The following CHM variants were observed in gnomAD, a reference collection of about 807,000 sequenced individuals.
The protein encoded by CHM is rab proteins geranylgeranyltransferase component A 1.
In CHM, 10 loss-of-function variants were observed where a neutral mutation model predicts 49.0. The observed-to-expected ratio is 0.20, with a 90% CI of 0.13 to 0.35. The LOEUF (loss-of-function observed/expected upper bound fraction) is 0.35. CHM is among the 10% of genes least tolerant of loss of function. CHM has a pLI of 1.00. For missense variants in CHM, 455 were observed against 478.4 expected, an observed-to-expected ratio of 0.95 and a Z score of 0.46; for synonymous variants, 184 against 167.5, an observed-to-expected ratio of 1.10 and a Z score of -0.76.
intron 1 of CHM, among the ~76,000 whole-genome samples, chrX:86,041,557 G>C (rs191320803): frequency 9.2e-6 from 1 of 108,189 alleles, no homozygotes; most frequent in Admixed American, 1.0e-4. Flanking sequence ...CAAAAGAGAA[G>C]ACAACAAAGA....
chrX:85,897,964 A>C (rs1045033026), intron 11 of CHM, among the ~76,000 whole-genome samples: 1 of 111,296 alleles, frequency 9.0e-6, no homozygotes, highest in Non-Finnish European at 1.9e-5. Context: ...GGGAAAAGGA[A>C]AAGGGCAGAA....
intron 8 of CHM, among the ~76,000 whole-genome samples, chrX:85,945,449 G>A (rs909763103): frequency 8.8e-5 from 9 of 101,845 alleles, no homozygotes; most frequent in African/African-American, 1.5e-4. Flanking sequence ...TCTCTCTCTC[G>A]TTCCTGCTCT....
chrX:85,904,147 C>T (rs1926455507), intron 9 of CHM, among the ~76,000 whole-genome samples: 1 of 110,879 alleles, frequency 9.0e-6, no homozygotes. Context: ...ACAGTGCTGC[C>T]AGAGTCATGA....
intron 2 of CHM, among the ~76,000 whole-genome samples, chrX:86,024,474 G>A (rs1933727984): frequency 8.9e-6 from 1 of 112,020 alleles, no homozygotes; most frequent in African/African-American, 3.2e-5. Flanking sequence ...TTTAAACTTG[G>A]AAAATCACTA....
chrX:85,978,053 C>T (rs1437169895), intron 4 of CHM, among the ~76,000 whole-genome samples: 2 of 111,733 alleles, frequency 1.8e-5, no homozygotes, highest in African/African-American at 6.5e-5. Flanking sequence ...TTCTAAGCCT[C>T]TGGACTCTAT....
chrX:85,982,169 G>C (rs868491587), intron 2 of CHM, among the ~76,000 whole-genome samples: 1 of 111,588 alleles, frequency 9.0e-6, no homozygotes, highest in East Asian at 2.8e-4. Flanking sequence ...AACCTTGATA[G>C]ATCTCAAAGA....
intron 8 of CHM, among the ~76,000 whole-genome samples, chrX:85,933,121 T>A (rs1291918036): frequency 9.0e-6 from 1 of 110,775 alleles, no homozygotes; most frequent in African/African-American, 3.3e-5. Flanking sequence ...GGCAGGAGGA[T>A]CCCTTGAGCT....
At chrX:86,030,951 G>T (rs912337791) in intron 1 of CHM, among the ~76,000 whole-genome samples, 1 of 109,482 alleles carries the variant, frequency 9.1e-6, no homozygotes, top group Non-Finnish European at 1.9e-5. Flanking sequence ...TAATAACCAC[G>T]TAATATTCCC....
chrX:85,995,795 A>G (rs1439692378), intron 2 of CHM, among the ~76,000 whole-genome samples: 1 of 112,182 alleles, frequency 8.9e-6, no homozygotes, highest in Non-Finnish European at 1.9e-5. Context: ...CATCTTGAAT[A>G]CTAGATTAGT....
chrX:85,961,418 CAAAAAAAAAAAA>C (rs1204463688), intron 5 of CHM, among the ~76,000 whole-genome samples: 2 of 24,360 alleles, frequency 8.2e-5, no homozygotes, highest in African/African-American at 2.9e-4. Flanking sequence ...GACTCTGTCT[CAAAAAAAAAAAA>C]AAAAAAAAAA....
chrX:86,007,223 C>A lies in CHM; in HGVS notation c.116+20268G>T, dbSNP rs774564670. 3.1e-4 allele frequency among the ~76,000 whole-genome samples: 35 copies of A among 112,271 alleles called. No homozygotes were observed. The Middle Eastern group carries it at 0.014, about 45-fold the overall frequency. On this transcript the variant is annotated intron_variant, in intron 2 of 14. Coordinates refer to ENST00000357749, the MANE Select transcript of CHM (RefSeq NM_000390.4). Reference sequence around the variant, plus strand: ...GATAGCCATATGGAGAAAGCTGAAACTGGATCCCTTCCTTACGCCTTATAC... The same window carrying A: ...GATAGCCATATGGAGAAAGCTGAAAATGGATCCCTTCCTTACGCCTTATAC...
Position 86,038,237 on chromosome X carries a change from G to A in CHM, c.49+9247C>T, listed in dbSNP as rs73508507. On this transcript the variant is annotated intron_variant, in intron 1 of 14. Transcript: ENST00000357749. ...ATTCCTTGTGGACAACCAAAGGACA[G>A]GCAGAACTCAAAGTCATTCCTCTGT... Among the ~76,000 whole-genome samples, 985 of 111,758 alleles carry A rather than the reference G, an allele frequency of 8.8e-3. 11 individuals carry two copies. The highest frequency in any genetic ancestry group is 0.03 in the African/African-American group (922 of 30,667).
chrX:85,943,051 G>C (rs1929210431), intron 8 of CHM, among the ~76,000 whole-genome samples: 1 of 108,254 alleles, frequency 9.2e-6, no homozygotes, highest in African/African-American at 3.4e-5. Flanking sequence ...GAGAACGATG[G>C]TTTCCAGCTT....
intron 2 of CHM, among the ~76,000 whole-genome samples, chrX:86,023,369 T>A (rs1210509118): frequency 9.0e-6 from 1 of 110,822 alleles, no homozygotes; most frequent in Non-Finnish European, 1.9e-5. Context: ...TTTGTACATG[T>A]TGCTCCATCT....
At chrX:85,904,557 A>G (rs1440717067) in intron 9 of CHM, among the ~76,000 whole-genome samples, 6 of 112,170 alleles carry the variant, frequency 5.3e-5, no homozygotes, top group African/African-American at 1.9e-4. Context: ...TGATAAAGAA[A>G]GCAGAAATCA....
At chrX:85,982,892 A>G (rs1931707814) in intron 2 of CHM, among the ~76,000 whole-genome samples, 1 of 111,879 alleles carries the variant, frequency 8.9e-6, no homozygotes, top group African/African-American at 3.3e-5. Flanking sequence ...AATCCCAGCT[A>G]CTTGGGAGGC....
chrX:85,873,548 T>C (rs1924230697), intron 13 of CHM, among the ~76,000 whole-genome samples: 1 of 111,614 alleles, frequency 9.0e-6, no homozygotes, highest in Non-Finnish European at 1.9e-5. Flanking sequence ...TGATAAATTA[T>C]ATAGTTATTC....
chrX:85,990,722 G>C (rs921962243), intron 2 of CHM, among the ~76,000 whole-genome samples: 1 of 111,517 alleles, frequency 9.0e-6, no homozygotes, highest in Non-Finnish European at 1.9e-5. Flanking sequence ...TCTCTTAACA[G>C]AAAAGCAATA....
Position 85,958,849 on chromosome X carries a change from T to G in CHM, c.819+12A>C. 1 of 1,210,953 alleles carries G rather than the reference T, an allele frequency of 8.3e-7. No homozygotes were observed. Among genetic ancestry groups the G allele is most frequent in the Admixed American group, 2.2e-5 (1 of 45,979 alleles). On this transcript the variant is annotated intron_variant, in intron 6 of 14. Transcript: ENST00000357749. Reference sequence around the variant, plus strand: ...GCTGATGCCCAGTTACAATTCTTGATCAGCACAGTACCTGTTCCACTCGTC... The same window carrying G: ...GCTGATGCCCAGTTACAATTCTTGAGCAGCACAGTACCTGTTCCACTCGTC...
Sources: allele counts gnomAD v4.1 joint callset (sites outside exome capture counted in the v4.1 genomes callset), GRCh38; gene constraint gnomAD v4.1.1; transcripts MANE v1.5; gene names NCBI Gene and HGNC (gene_info 2026-07-23, HGNC 2026-07-21).